Variants in MACROD2 observed in about 807,000 individuals in gnomAD.
The protein encoded by MACROD2 is mono-ADP ribosylhydrolase 2.
MACROD2 carries 36 observed loss-of-function variants against 70.4 expected under a neutral mutation model. The ratio of observed to expected loss-of-function variants is 0.51; its 90% confidence interval spans 0.39 to 0.68. The LOEUF is 0.68. MACROD2 is among the 30% of genes least tolerant of loss of function. MACROD2 has a pLI of 0.00. For missense variants in MACROD2, 496 were observed against 538.4 expected (o/e 0.92, Z 0.78); for synonymous variants, 172 against 178.8 (o/e 0.96, Z 0.30).
At chr20:15,581,454 C>G in intron 8 of MACROD2, among the ~76,000 whole-genome samples, 1 of 152,084 alleles carries the variant, frequency 6.6e-6, no homozygotes, top group East Asian at 1.9e-4. Context: ...GTATGGAGAA[C>G]TTAACAAAAG....
intron 8 of MACROD2, among the ~76,000 whole-genome samples, chr20:15,689,513 G>T (rs559579033): frequency 2.1e-4 from 32 of 152,238 alleles, no homozygotes; most frequent in African/African-American, 7.2e-4. Flanking sequence ...GAAGGAGAAG[G>T]TTATATTTGA....
intron 3 of MACROD2, among the ~76,000 whole-genome samples, chr20:14,436,467 T>G (rs923237581): frequency 1.3e-5 from 2 of 152,214 alleles, no homozygotes; most frequent in African/African-American, 4.8e-5. Flanking sequence ...TATGTAGATT[T>G]TGTTACTCTT....
At chr20:14,689,460 A>G (rs1322153924) in intron 5 of MACROD2, among the ~76,000 whole-genome samples, 1 of 152,210 alleles carries the variant, frequency 6.6e-6, no homozygotes, top group Non-Finnish European at 1.5e-5. Flanking sequence ...ATGAATGAAT[A>G]AAACGTAACT....
intron 5 of MACROD2, among the ~76,000 whole-genome samples, chr20:15,191,931 T>TATATATAGAG (rs150210305): frequency 1.0e-3 from 149 of 142,372 alleles, no homozygotes; most frequent in African/African-American, 2.5e-3. Flanking sequence ...TATATATATA[T>TATATATAGAG]AGAGAGAGAG....
At chr20:14,260,609 C>A (rs1010605699) in intron 3 of MACROD2, among the ~76,000 whole-genome samples, 2 of 152,146 alleles carry the variant, frequency 1.3e-5, no homozygotes, top group African/African-American at 2.4e-5. Context: ...AGCCCCTAAG[C>A]TCCTTTTAAA....
chr20:14,606,491 A>G (rs182650185), intron 4 of MACROD2, among the ~76,000 whole-genome samples: 1 of 152,176 alleles, frequency 6.6e-6, no homozygotes, highest in Non-Finnish European at 1.5e-5. Flanking sequence ...AATTGTGATT[A>G]CTATTTTACC....
chr20:15,229,650 A>C (rs1410582760), intron 5 of MACROD2, among the ~76,000 whole-genome samples: 1 of 152,130 alleles, frequency 6.6e-6, no homozygotes, highest in African/African-American at 2.4e-5. Flanking sequence ...CCAATTATGC[A>C]CGTCTTATAC....
At chr20:15,454,403 T>TCACACA (rs2046688560) in intron 7 of MACROD2, among the ~76,000 whole-genome samples, 1 of 95,888 alleles carries the variant, frequency 1.0e-5, no homozygotes, top group African/African-American at 5.7e-5. Flanking sequence ...TTTGACATAT[T>TCACACA]CAAACACACA....
Position 15,965,297 on chromosome 20 carries a change from C to T in MACROD2, c.908-2256C>T, listed in dbSNP as rs1345187656. On this transcript the variant is annotated intron_variant, in intron 12 of 17. Coordinates refer to ENST00000684519, the MANE Select transcript of MACROD2 (RefSeq NM_001351661.2). ...ACAAAGATAACTTATTTGCTAAAGACACAGATTTTGGTGATAAAACAGATA... is the reference window on the plus strand; with the variant it reads ...ACAAAGATAACTTATTTGCTAAAGATACAGATTTTGGTGATAAAACAGATA... 2.6e-5 allele frequency among the ~76,000 whole-genome samples: 4 copies of T among 152,242 alleles called. No homozygotes were observed. In the East Asian group the frequency reaches 7.7e-4, roughly 29 times the overall value.
intron 5 of MACROD2, among the ~76,000 whole-genome samples, chr20:15,066,530 C>T (rs1191183510): frequency 6.6e-6 from 1 of 152,156 alleles, no homozygotes; most frequent in Admixed American, 6.5e-5. Context: ...CAAAAACCAA[C>T]ATCAATGACA....
At chr20:14,468,886 C>T (rs2084492735) in intron 3 of MACROD2, among the ~76,000 whole-genome samples, 1 of 152,078 alleles carries the variant, frequency 6.6e-6, no homozygotes, top group Non-Finnish European at 1.5e-5. Flanking sequence ...GACTCTTTAT[C>T]CAATTTGTCA....
At chr20:15,281,290 C>A (rs1393754727) in intron 6 of MACROD2, among the ~76,000 whole-genome samples, 1 of 152,178 alleles carries the variant, frequency 6.6e-6, no homozygotes, top group African/African-American at 2.4e-5. Context: ...CATTTCAAAA[C>A]CAATCATATC....
intron 5 of MACROD2, among the ~76,000 whole-genome samples, chr20:14,956,214 GTTTA>G (rs1850389908): frequency 1.3e-5 from 2 of 152,212 alleles, no homozygotes; most frequent in South Asian, 4.1e-4. Flanking sequence ...TACCTCTGAG[GTTTA>G]TTTAACATGG....
At chr20:15,437,435 C>G (rs1360989464) in intron 7 of MACROD2, among the ~76,000 whole-genome samples, 1 of 152,136 alleles carries the variant, frequency 6.6e-6, no homozygotes, top group Non-Finnish European at 1.5e-5. Flanking sequence ...ACCATCACCA[C>G]CAGTGTTGTC....
intron 4 of MACROD2, among the ~76,000 whole-genome samples, chr20:14,638,011 AT>A (rs912148276): frequency 5.3e-5 from 8 of 150,936 alleles, no homozygotes; most frequent in Non-Finnish European, 7.4e-5. Flanking sequence ...CTGAATTATG[AT>A]TTTTTTTTCT....
intron 8 of MACROD2, among the ~76,000 whole-genome samples, chr20:15,799,945 T>C (rs1385479571): frequency 6.6e-6 from 1 of 152,228 alleles, no homozygotes; most frequent in African/African-American, 2.4e-5. Flanking sequence ...TTTTTCTTTT[T>C]CTTTTTTTCG....
At chr20:15,236,914 A>G (rs930078925) in intron 6 of MACROD2, among the ~76,000 whole-genome samples, 1 of 152,076 alleles carries the variant, frequency 6.6e-6, no homozygotes, top group Non-Finnish European at 1.5e-5. Flanking sequence ...TTCCTCCATT[A>G]TTATGTGCCT....
intron 4 of MACROD2, among the ~76,000 whole-genome samples, chr20:14,664,963 A>G (rs2070721179): frequency 6.6e-6 from 1 of 152,120 alleles, no homozygotes; most frequent in South Asian, 2.1e-4. Context: ...AATGGTTACT[A>G]GCATGGCTAA....
intron 4 of MACROD2, among the ~76,000 whole-genome samples, chr20:14,589,349 T>C (rs554261548): frequency 1.1e-4 from 16 of 152,322 alleles, no homozygotes; most frequent in Middle Eastern, 3.4e-3. Flanking sequence ...GAAGCAGTGT[T>C]AGCATAACAT....
Sources: gnomAD v4.1 joint callset for allele counts (sites outside exome capture counted in the v4.1 genomes callset) on GRCh38, gnomAD v4.1.1 for gene constraint, MANE v1.5 for transcripts, NCBI Gene and HGNC (gene_info 2026-07-23, HGNC 2026-07-21) for gene names.